The following GRM5 variants were observed in gnomAD, a reference collection of about 807,000 sequenced individuals.
GRM5 encodes glutamate metabotropic receptor 5.
In GRM5, 19 loss-of-function variants were observed where a neutral mutation model predicts 83.1. The observed-to-expected ratio is 0.23, with a 90% CI of 0.16 to 0.34. GRM5 has a LOEUF of 0.34. Among genes scored for constraint, GRM5 ranks in the 10% least tolerant of loss-of-function variants. The probability of loss-of-function intolerance (pLI) is 1.00; values close to 1 mark genes in which losing one functional copy is unlikely to be tolerated. For missense variants in GRM5, 1,160 were observed against 1,588.3 expected (o/e 0.73, Z 4.58); for synonymous variants, 675 against 633.6 (o/e 1.07, Z -0.98).
chr11:89,033,661 A>G (rs1941316646), intron 2 of GRM5, among the ~76,000 whole-genome samples: 1 of 151,908 alleles, frequency 6.6e-6, no homozygotes, highest in African/African-American at 2.4e-5. Flanking sequence ...ATTGAAGGTA[A>G]AAGCAAAAGT....
chr11:89,017,575 AATG>A (rs1296836325), intron 2 of GRM5, among the ~76,000 whole-genome samples: 1 of 152,172 alleles, frequency 6.6e-6, no homozygotes, highest in Non-Finnish European at 1.5e-5. Flanking sequence ...TCAAGAGAAG[AATG>A]ATAACTCCCA....
intron 2 of GRM5, among the ~76,000 whole-genome samples, chr11:88,926,807 T>C (rs1042727595): frequency 3.9e-5 from 6 of 152,286 alleles, no homozygotes; most frequent in African/African-American, 1.4e-4. Context: ...CTGTTCATTG[T>C]TTATCGCACA....
chr11:89,000,927 TG>T (rs1270454596), intron 2 of GRM5, among the ~76,000 whole-genome samples: 1 of 151,682 alleles, frequency 6.6e-6, no homozygotes, highest in African/African-American at 2.4e-5. Flanking sequence ...AATATACTGA[TG>T]AAAAAAAAGC....
chr11:88,635,159 C>A (rs1046142075), intron 4 of GRM5, among the ~76,000 whole-genome samples: 1 of 152,196 alleles, frequency 6.6e-6, no homozygotes, highest in South Asian at 2.1e-4. Context: ...CTTTGATATA[C>A]TGGTTTCATT....
chr11:88,858,194 G>A (rs1944505824), intron 2 of GRM5, among the ~76,000 whole-genome samples: 1 of 151,956 alleles, frequency 6.6e-6, no homozygotes, highest in South Asian at 2.1e-4. Context: ...TAGAAAATTT[G>A]CTTTAGTTAT....
chr11:88,830,310 T>A (rs996355259), intron 3 of GRM5, among the ~76,000 whole-genome samples: 81 of 150,940 alleles, frequency 5.4e-4, no homozygotes, highest in African/African-American at 1.8e-3. Context: ...TATATTTAAA[T>A]AAAATATATT....
At chr11:89,039,573 T>C (rs1941480154) in intron 2 of GRM5, among the ~76,000 whole-genome samples, 1 of 152,198 alleles carries the variant, frequency 6.6e-6, no homozygotes, top group African/African-American at 2.4e-5. Flanking sequence ...CATACTTTGT[T>C]ACTCTTGTAT....
At chr11:88,791,263 C>T (rs552214771) in intron 3 of GRM5, among the ~76,000 whole-genome samples, 6 of 152,122 alleles carry the variant, frequency 3.9e-5, no homozygotes, top group Admixed American at 1.3e-4. Context: ...GAGATGCTTA[C>T]GAAAAATGCA....
chr11:88,543,083 C>G (rs1343563502), intron 8 of GRM5, among the ~76,000 whole-genome samples: 2 of 152,086 alleles, frequency 1.3e-5, no homozygotes, highest in African/African-American at 4.8e-5. Flanking sequence ...AGGTTAATAA[C>G]ACCTAGGTGT....
At chr11:88,817,604 A>G (rs1158442798) in intron 3 of GRM5, among the ~76,000 whole-genome samples, 2 of 152,138 alleles carry the variant, frequency 1.3e-5, no homozygotes, top group Non-Finnish European at 2.9e-5. Context: ...CCAACCAATC[A>G]ACATACAAAA....
At chr11:88,706,187 T>C (rs955815166) in intron 3 of GRM5, among the ~76,000 whole-genome samples, 4 of 152,094 alleles carry the variant, frequency 2.6e-5, no homozygotes, top group African/African-American at 7.2e-5. Context: ...CCTTCTATTT[T>C]GAATGTTTAT....
intron 2 of GRM5, among the ~76,000 whole-genome samples, chr11:89,041,697 T>C (rs1414402151): frequency 6.6e-6 from 1 of 152,216 alleles, no homozygotes; most frequent in Non-Finnish European, 1.5e-5. Flanking sequence ...CTGCTAGCAA[T>C]GAAGTTTCTG....
chr11:88,866,396 C>A (rs1423667397), intron 2 of GRM5, among the ~76,000 whole-genome samples: 1 of 151,886 alleles, frequency 6.6e-6, no homozygotes, highest in Non-Finnish European at 1.5e-5. Flanking sequence ...CACACTGGGG[C>A]CTGTCAGGGG....
chr11:88,949,743 C>T (rs1362391226), intron 2 of GRM5, among the ~76,000 whole-genome samples: 2 of 152,170 alleles, frequency 1.3e-5, no homozygotes, highest in African/African-American at 2.4e-5. Flanking sequence ...CAAAGATACT[C>T]ATTGCAATAT....
chr11:88,517,942 A>G (rs903721791), intron 9 of GRM5, among the ~76,000 whole-genome samples: 2 of 152,084 alleles, frequency 1.3e-5, no homozygotes, highest in African/African-American at 2.4e-5. Flanking sequence ...ATATATGTCT[A>G]TTTACAAAAT....
intron 7 of GRM5, 58 bp from the exon 8 acceptor site, chr11:88,568,050 A>AT (rs1353430085): frequency 9.0e-7 from 1 of 1,112,988 alleles, no homozygotes; most frequent in East Asian, 2.5e-5. Context: ...TGGGTCACAT[A>AT]TCCCTAAGTT....
At chr11:89,012,288 A>C (rs115610711) in intron 2 of GRM5, among the ~76,000 whole-genome samples, 4,651 of 152,258 alleles carry the variant, frequency 0.031, 240 homozygotes, top group African/African-American at 0.11. Flanking sequence ...AATACTTGCA[A>C]ATAAAGATCT....
At chr11:88,799,137 T>A (rs1943341323) in intron 3 of GRM5, among the ~76,000 whole-genome samples, 1 of 152,134 alleles carries the variant, frequency 6.6e-6, no homozygotes, top group Non-Finnish European at 1.5e-5. Flanking sequence ...TATTTGGCAC[T>A]TTTAGAAATT....
chr11:89,033,236 T>C (rs1941304605), intron 2 of GRM5, among the ~76,000 whole-genome samples: 1 of 151,954 alleles, frequency 6.6e-6, no homozygotes, highest in Admixed American at 6.6e-5. Flanking sequence ...TTTATAAAGG[T>C]TAAGTGAGCT....
Sources: gnomAD v4.1 joint callset for allele counts (sites outside exome capture counted in the v4.1 genomes callset) on GRCh38, gnomAD v4.1.1 for gene constraint, MANE v1.5 for transcripts, NCBI Gene and HGNC (gene_info 2026-07-23, HGNC 2026-07-21) for gene names.